MRLN: variants seen among roughly 807,000 people sequenced by gnomAD.
MRLN encodes myoregulin.
chr10:59,740,459 A>G (rs924229663), intron 1 of MRLN, among the ~76,000 whole-genome samples: 1 of 152,158 alleles, frequency 6.6e-6, no homozygotes, highest in African/African-American at 2.4e-5. Context: ...CATGCATGCT[A>G]TTGTCCCTGA....
intron 2 of MRLN, 81 bp from the exon 3 acceptor site, chr10:59,737,301 T>C (rs1037561571): frequency 5.3e-6 from 2 of 380,532 alleles, no homozygotes; most frequent in Non-Finnish European, 9.3e-6. Context: ...ATTTCCACTA[T>C]AAAAAGATTG....
chr10:59,741,481 C>T (rs1235271004), intron 1 of MRLN, among the ~76,000 whole-genome samples: 1 of 152,154 alleles, frequency 6.6e-6, no homozygotes, highest in Non-Finnish European at 1.5e-5. Context: ...CTCCCAGGCT[C>T]AAGCGATGCT....
chr10:59,738,626 G>C (rs1054523782), intron 1 of MRLN, 64 bp from the exon 2 acceptor site: 2 of 152,120 alleles, frequency 1.3e-5, no homozygotes. Flanking sequence ...TGGAGGGGCA[G>C]GGAGCCTACA....
In MRLN at chr10:59,737,180, T is replaced by C. The variant is rs911925463; in HGVS notation, c.21A>G (p.Ile7Met). Reference protein sequence around the residue: MTGKNWILISTTTPKSL... With the variant: MTGKNWMLISTTTPKSL... Reference sequence around the variant, plus strand: ...TTTTGGGAGTAGTAGTAGAAATTAATATCCAGTTTTTACCAGTCATATCCA... The same window carrying C: ...TTTTGGGAGTAGTAGTAGAAATTAACATCCAGTTTTTACCAGTCATATCCA... Residue 7 changes from isoleucine to methionine, a missense_variant, in exon 3 of 3, where the codon ATA (isoleucine) becomes ATG (methionine). Coordinates refer to ENST00000414264, the MANE Select transcript of MRLN (RefSeq NM_001304731.2). 2.5e-5 allele frequency: 10 copies of C among 397,674 alleles called. No homozygotes were observed. The highest frequency in any genetic ancestry group is 2.1e-4 in the African/African-American group (10 of 48,604). 24.6% of individuals were successfully genotyped at this position (397,674 alleles called of 1,614,324 possible). A position where few individuals can be genotyped will look rare whatever the true frequency, so the allele number is the denominator to read the frequency against.
At chr10:59,743,217 A>G (rs1173738617) in intron 1 of MRLN, among the ~76,000 whole-genome samples, 1 of 30,382 alleles carries the variant, frequency 3.3e-5, no homozygotes, top group Non-Finnish European at 6.9e-5. Context: ...CCCGCCCCCC[A>G]CCACACCTTG....
In MRLN at chr10:59,744,586, A is replaced by G. The variant is rs945532059; in HGVS notation, c.-124-6024T>C. 4.1e-3 allele frequency among the ~76,000 whole-genome samples: 622 copies of G among 151,674 alleles called. 6 individuals are homozygous for G. Among genetic ancestry groups the G allele is most frequent in the African/African-American group, 0.014 (566 of 41,356 alleles). ...TGGGAAGTGAGGAGCCCCTCTGCCC[A>G]GCCGCCACCCGGTCTGGGAGGTGTA... On this transcript the variant is annotated intron_variant, in intron 1 of 2. Coordinates refer to ENST00000414264, the MANE Select transcript of MRLN (RefSeq NM_001304731.2).
Position 59,736,752 on chromosome 10 carries a change from C to T in MRLN, c.*308G>A, listed in dbSNP as rs572430946. The T allele has an allele frequency of 5.7e-5, 9 of 158,460 alleles. No homozygotes were observed. The highest frequency in any genetic ancestry group is 1.9e-4 in the Admixed American group (3 of 15,466). The allele number at this position is 158,460 out of a possible 1,614,324, so 9.8% of individuals were successfully genotyped here. On this transcript the variant is annotated 3_prime_UTR_variant, in exon 3 of 3. Transcript: ENST00000414264. Reference sequence around the variant, plus strand: ...ATCGAACTCCTGCACTCAAGGGATCCGCCTACCTGGGCCTCTCAAAGTGCT... The same window carrying T: ...ATCGAACTCCTGCACTCAAGGGATCTGCCTACCTGGGCCTCTCAAAGTGCT...
At chr10:59,745,502 C>T (rs1355702735) in intron 1 of MRLN, among the ~76,000 whole-genome samples, 2 of 119,190 alleles carry the variant, frequency 1.7e-5, no homozygotes, top group African/African-American at 6.6e-5. Context: ...CCACCCCCCA[C>T]CCCCCACCAT....
chr10:59,738,794 C>T (rs1840949831), intron 1 of MRLN: 1 of 152,156 alleles, frequency 6.6e-6, no homozygotes, highest in South Asian at 2.1e-4. Flanking sequence ...CTAGGATTTT[C>T]CTGGTGGGGC....
intron 2 of MRLN, 140 bp downstream of exon 2, chr10:59,738,319 C>T (rs559542375): frequency 6.6e-6 from 1 of 152,304 alleles, no homozygotes; most frequent in Admixed American, 6.5e-5. Context: ...CAAACTCCAG[C>T]TTGTGTTTCT....
At chr10:59,743,571 T>C (rs1841006749) in intron 1 of MRLN, among the ~76,000 whole-genome samples, 1 of 152,174 alleles carries the variant, frequency 6.6e-6, no homozygotes, top group Admixed American at 6.5e-5. Context: ...ATTTGTCTCA[T>C]CACAAGTTTC....
chr10:59,747,991 G>T (rs1483278073), intron 1 of MRLN, among the ~76,000 whole-genome samples: 1 of 152,038 alleles, frequency 6.6e-6, no homozygotes, highest in African/African-American at 2.4e-5. Context: ...TCCCTATGGA[G>T]AACATCTCCC....
chr10:59,744,046 C>A, intron 1 of MRLN: 1 of 178,516 alleles, frequency 5.6e-6, no homozygotes, highest in Non-Finnish European at 1.1e-5. Flanking sequence ...GCCTTGGCCT[C>A]CCAAAGTGCC....
intron 1 of MRLN, among the ~76,000 whole-genome samples, chr10:59,745,491 C>G (rs1035380737): frequency 3.3e-5 from 4 of 122,568 alleles, no homozygotes; most frequent in Middle Eastern, 4.2e-3. Flanking sequence ...AATTCCCCCC[C>G]CCACCCCCCA....
At chr10:59,749,900 A>G (rs1841081666) in intron 1 of MRLN, among the ~76,000 whole-genome samples, 2 of 151,890 alleles carry the variant, frequency 1.3e-5, no homozygotes, top group African/African-American at 2.4e-5. Context: ...AGGCAGACAC[A>G]CAGACACATG....
At chr10:59,749,805 G>A (rs1422588278) in intron 1 of MRLN, among the ~76,000 whole-genome samples, 1 of 152,136 alleles carries the variant, frequency 6.6e-6, no homozygotes, top group African/African-American at 2.4e-5. Context: ...CTTCCTTGCA[G>A]CCCAGCCATG....
At chr10:59,749,681 A>AAAAAC (rs1202050548) in intron 1 of MRLN, among the ~76,000 whole-genome samples, 1 of 152,020 alleles carries the variant, frequency 6.6e-6, no homozygotes, top group East Asian at 1.9e-4. Flanking sequence ...GTCTCAAAAA[A>AAAAAC]AAAACAAAAC....
At chr10:59,749,685 AC>A (rs1841079625) in intron 1 of MRLN, among the ~76,000 whole-genome samples, 1 of 152,016 alleles carries the variant, frequency 6.6e-6, no homozygotes, top group Non-Finnish European at 1.5e-5. Flanking sequence ...CAAAAAAAAA[AC>A]AAAACAAAAC....
At chr10:59,741,400 T>C (rs1269777616) in intron 1 of MRLN, among the ~76,000 whole-genome samples, 2 of 152,182 alleles carry the variant, frequency 1.3e-5, no homozygotes, top group African/African-American at 4.8e-5. Context: ...TTAATTTTTT[T>C]GAGATAGTAT....
Sources: allele counts gnomAD v4.1 joint callset (sites outside exome capture counted in the v4.1 genomes callset), GRCh38; gene constraint gnomAD v4.1.1; transcripts MANE v1.5; gene names NCBI Gene and HGNC (gene_info 2026-07-23, HGNC 2026-07-21).